NELL1: variants seen among roughly 807,000 people sequenced by gnomAD.
NELL1 encodes protein kinase C-binding protein NELL1.
In NELL1, 76 loss-of-function variants were observed where a neutral mutation model predicts 107.4. That is an observed-to-expected ratio of 0.71 (90% CI 0.59 to 0.86). The LOEUF (loss-of-function observed/expected upper bound fraction) is 0.86. Ranked by LOEUF, NELL1 falls within the 40% of genes least tolerant of loss-of-function variation. The pLI, the probability that NELL1 is intolerant of heterozygous loss-of-function variation, is 0.00. For synonymous variants in NELL1, 353 were observed against 341.2 expected (o/e 1.03, Z -0.38); for missense variants, 1,024 against 1,005.5 (o/e 1.02, Z -0.25).
intron 14 of NELL1, among the ~76,000 whole-genome samples, chr11:21,294,355 C>T (rs1418917363): frequency 6.6e-6 from 1 of 151,976 alleles, no homozygotes; most frequent in East Asian, 1.9e-4. Context: ...CACATTTTGT[C>T]TTGTATTAAT....
intron 12 of NELL1, among the ~76,000 whole-genome samples, chr11:21,042,500 C>T (rs971368018): frequency 7.9e-5 from 12 of 152,158 alleles, no homozygotes; most frequent in African/African-American, 2.9e-4. Flanking sequence ...GAGCAGTATC[C>T]ATTGAAAGAG....
chr11:21,292,179 A>G (rs1295202121), intron 14 of NELL1, among the ~76,000 whole-genome samples: 1 of 152,174 alleles, frequency 6.6e-6, no homozygotes, highest in Non-Finnish European at 1.5e-5. Context: ...AGAACACCCT[A>G]TCCTGTCAGC....
chr11:21,445,246 G>A (rs28790424), intron 15 of NELL1, among the ~76,000 whole-genome samples: 22,675 of 151,928 alleles, frequency 0.15, 4,201 homozygotes, highest in African/African-American at 0.43. Flanking sequence ...TGTTTTCCCT[G>A]TACTTACTGC....
intron 13 of NELL1, among the ~76,000 whole-genome samples, chr11:21,226,659 C>T (rs547294729): frequency 6.6e-6 from 1 of 152,214 alleles, no homozygotes; most frequent in South Asian, 2.1e-4. Flanking sequence ...GCTACAATTC[C>T]TCTCCTCAAA....
intron 12 of NELL1, among the ~76,000 whole-genome samples, chr11:20,965,190 A>AT (rs1457842533): frequency 6.6e-6 from 1 of 152,134 alleles, no homozygotes; most frequent in Non-Finnish European, 1.5e-5. Flanking sequence ...CAAGCAACAG[A>AT]TTTTTTACAG....
chr11:20,745,020 C>A lies in NELL1; in HGVS notation c.185-38660C>A, dbSNP rs145393516. ...TGCCTTGGCTGAAGAAGCCTTCTCT[C>A]TACCACATTACCCTATTTTATCTTT... On this transcript the variant is annotated intron_variant, in intron 2 of 19. Transcript: ENST00000357134. Among the ~76,000 whole-genome samples the A allele has an allele frequency of 3.4e-3, 513 of 152,328 alleles. 2 individuals carry two copies. Among genetic ancestry groups the A allele is most frequent in the Middle Eastern group, 0.017 (5 of 294 alleles).
intron 14 of NELL1, among the ~76,000 whole-genome samples, chr11:21,350,368 A>ATTT (rs1565181923): frequency 1.4e-5 from 2 of 145,774 alleles, no homozygotes; most frequent in East Asian, 3.9e-4. Flanking sequence ...GATCTTTTTA[A>ATTT]AAAAAAAAAA....
intron 2 of NELL1, among the ~76,000 whole-genome samples, chr11:20,733,103 G>A (rs11025726): frequency 0.12 from 18,228 of 152,148 alleles, 1,183 homozygotes; most frequent in Non-Finnish European, 0.15. Context: ...AAAGGGCCTG[G>A]TATATGGCTG....
intron 14 of NELL1, among the ~76,000 whole-genome samples, chr11:21,360,307 C>T (rs1359554387): frequency 2.6e-5 from 4 of 151,986 alleles, no homozygotes; most frequent in Non-Finnish European, 5.9e-5. Context: ...TTTGGGGGTT[C>T]CTTTGGAGTT....
In NELL1 at chr11:20,864,986, G is replaced by A. The variant is rs1026314778; in HGVS notation, c.506+17233G>A. On this transcript the variant is annotated intron_variant, in intron 4 of 19. Coordinates refer to ENST00000357134, the MANE Select transcript of NELL1 (RefSeq NM_006157.5). ...GGAGATTCTGACCTTTGCTTTACTA[G>A]TCTCCTTGACCTTGACTTTTTGATA... Among the ~76,000 whole-genome samples, 29 of 152,260 alleles carry A rather than the reference G, an allele frequency of 1.9e-4. No homozygotes were observed. The East Asian group carries it at 5.4e-3, about 28-fold the overall frequency.
chr11:21,086,933 G>T (rs1854406412), intron 12 of NELL1, among the ~76,000 whole-genome samples: 5 of 148,136 alleles, frequency 3.4e-5, no homozygotes. Flanking sequence ...CCCAGTTCAA[G>T]GTTCAAGTGA....
rs552365692 is a variant in NELL1 at position 20,758,162 on chromosome 11, G to C, written c.185-25518G>C. Among the ~76,000 whole-genome samples the C allele has an allele frequency of 5.3e-5, 8 of 152,136 alleles. No individual in the cohort carries two copies. The South Asian group carries it at 1.7e-3, about 32-fold the overall frequency. On this transcript the variant is annotated intron_variant, in intron 2 of 19. Coordinates refer to ENST00000357134, the MANE Select transcript of NELL1 (RefSeq NM_006157.5). ...TGAGGGCTTCAACATACGAATTTTG[G>C]GGTGATGGAATTCTGTCCCTGCCTC...
intron 2 of NELL1, among the ~76,000 whole-genome samples, chr11:20,746,831 G>A (rs1171593127): frequency 6.6e-6 from 1 of 152,114 alleles, no homozygotes; most frequent in Non-Finnish European, 1.5e-5. Context: ...CAGGTAGTTT[G>A]TTCCTGGTTC....
chr11:21,409,338 A>C (rs1787196001), intron 15 of NELL1, among the ~76,000 whole-genome samples: 1 of 152,176 alleles, frequency 6.6e-6, no homozygotes, highest in African/African-American at 2.4e-5. Flanking sequence ...ATGACAAAAA[A>C]CCAAACACTG....
intron 15 of NELL1, among the ~76,000 whole-genome samples, chr11:21,517,674 C>T (rs1434165930): frequency 1.3e-5 from 2 of 152,080 alleles, no homozygotes; most frequent in African/African-American, 4.8e-5. Context: ...CTAACCCACA[C>T]CATAGAAAAG....
chr11:21,005,423 G>A (rs1852307378), intron 12 of NELL1, among the ~76,000 whole-genome samples: 1 of 152,182 alleles, frequency 6.6e-6, no homozygotes, highest in South Asian at 2.1e-4. Flanking sequence ...GTTCAGACTG[G>A]ACAGTGGCAG....
chr11:21,102,266 A>G (rs1412689903), intron 12 of NELL1, among the ~76,000 whole-genome samples: 3 of 152,228 alleles, frequency 2.0e-5, no homozygotes, highest in Non-Finnish European at 4.4e-5. Flanking sequence ...GAGATACACT[A>G]TCTGTTCATG....
At chr11:21,574,269 G>C (rs1439599326) in intron 19 of NELL1, among the ~76,000 whole-genome samples, 1 of 150,014 alleles carries the variant, frequency 6.7e-6, no homozygotes, top group African/African-American at 2.5e-5. Context: ...TTTTTTCTGG[G>C]AAAGTATCAT....
At position 20,975,956 on chromosome 11, in the gene NELL1, T is replaced by TATATGTGTACA. The variant is rs59420210; in HGVS notation, c.1300+15396_1300+15397insATATGTGTACA. The stretch of plus-strand genomic sequence containing the variant: ...ACATATATGTGTACATATATGTACA[T>TATATGTGTACA]TATATATACATTATATATATTATAT... On this transcript the variant is annotated intron_variant, in intron 12 of 19. Transcript: ENST00000357134. Among the ~76,000 whole-genome samples the TATATGTGTACA allele has an allele frequency of 2.9e-4, 37 of 129,562 alleles. No individual in the cohort carries two copies. The East Asian group carries it at 6.2e-3, about 22-fold the overall frequency. The allele number at this position is 129,562 out of a possible 152,430, so 85.0% of individuals were successfully genotyped here. A position where few individuals can be genotyped will look rare whatever the true frequency, so the allele number is the denominator to read the frequency against.
Sources: gnomAD v4.1 joint callset for allele counts (sites outside exome capture counted in the v4.1 genomes callset) on GRCh38, gnomAD v4.1.1 for gene constraint, MANE v1.5 for transcripts, NCBI Gene and HGNC (gene_info 2026-07-23, HGNC 2026-07-21) for gene names.